Variants in CARMIL1 observed in about 807,000 individuals in gnomAD.
CARMIL1 encodes the protein F-actin-uncapping protein LRRC16A.
Under a neutral mutation model 177.1 loss-of-function variants are expected in CARMIL1, and 90 were observed. The ratio of observed to expected loss-of-function variants is 0.51; its 90% confidence interval spans 0.43 to 0.61. The LOEUF (loss-of-function observed/expected upper bound fraction) is 0.61, where lower values mean the gene tolerates loss of function less well. Among genes scored for constraint, CARMIL1 ranks in the 20% least tolerant of loss-of-function variants. The probability of loss-of-function intolerance (pLI) is 0.00; values close to 1 mark genes in which losing one functional copy is unlikely to be tolerated. For missense variants in CARMIL1, 1,380 were observed against 1,667.0 expected (o/e 0.83, Z 3.00); for synonymous variants, 577 against 606.2 (o/e 0.95, Z 0.71).
chr6:25,402,837 C>G (rs1277337866), intron 2 of CARMIL1, among the ~76,000 whole-genome samples: 2 of 152,042 alleles, frequency 1.3e-5, no homozygotes, highest in African/African-American at 4.8e-5. Context: ...CCCATTCTCC[C>G]TTTTCCCAAA....
intron 2 of CARMIL1, among the ~76,000 whole-genome samples, chr6:25,387,617 A>G (rs1338180179): frequency 6.6e-6 from 1 of 152,184 alleles, no homozygotes; most frequent in Non-Finnish European, 1.5e-5. Context: ...TAGAATTCCT[A>G]CTTGGGGGCA....
rs943918777 is a variant in CARMIL1, at chr6:25,437,757, G to C, written c.371+2153G>C. On this transcript the variant is annotated intron_variant, in intron 5 of 36. Transcript: ENST00000329474. ...TCTCACAAGTTAAAAGCTGAGCCGT[G>C]CTCATCTCTTGGTCCTTACTGTCAT... Among the ~76,000 whole-genome samples, 3 of 152,126 alleles carry C rather than the reference G, an allele frequency of 2.0e-5. No homozygotes were observed. In the East Asian group the frequency reaches 5.8e-4, roughly 29 times the overall value.
At chr6:25,542,236 C>T (rs1022100968) in intron 26 of CARMIL1, among the ~76,000 whole-genome samples, 1 of 152,146 alleles carries the variant, frequency 6.6e-6, no homozygotes, top group Non-Finnish European at 1.5e-5. Flanking sequence ...CTTTGGTGTT[C>T]GTTTCCTTCT....
At chr6:25,583,562 A>G (rs181568424) in intron 31 of CARMIL1, among the ~76,000 whole-genome samples, 111 of 152,226 alleles carry the variant, frequency 7.3e-4, no homozygotes, top group African/African-American at 2.6e-3. Context: ...ACATAGATGG[A>G]TGAAGGTCAC....
chr6:25,450,244 C>T, intron 6 of CARMIL1, 95 bp from the exon 7 acceptor site: 1 of 876,606 alleles, frequency 1.1e-6, no homozygotes, highest in Non-Finnish European at 1.9e-6. Flanking sequence ...AAAGGATAAT[C>T]AGCATTGTCA....
intron 13 of CARMIL1, among the ~76,000 whole-genome samples, chr6:25,491,309 TC>T (rs1803210110): frequency 6.6e-6 from 1 of 152,204 alleles, no homozygotes; most frequent in African/African-American, 2.4e-5. Flanking sequence ...CCTGAGACCA[TC>T]CTGTGGTTCA....
chr6:25,347,727 T>TG (rs1787670876), intron 2 of CARMIL1, among the ~76,000 whole-genome samples: 1 of 152,222 alleles, frequency 6.6e-6, no homozygotes. Flanking sequence ...AGTAAATGGA[T>TG]TAAAACTGAG....
rs1001332439 is a variant in CARMIL1, at chr6:25,612,967, A to G, written c.3979+2786A>G. On this transcript the variant is annotated intron_variant, in intron 36 of 36. Coordinates refer to ENST00000329474, the MANE Select transcript of CARMIL1 (RefSeq NM_017640.6). Reference sequence around the variant, plus strand: ...ACAAAAACAAACTGTAATTGAGTGAATTCTATCGTGGGACTGGGTCAGGGA... The same window carrying G: ...ACAAAAACAAACTGTAATTGAGTGAGTTCTATCGTGGGACTGGGTCAGGGA... 4 of 876,484 alleles carry G rather than the reference A, an allele frequency of 4.6e-6. No individual in the cohort carries two copies. The African/African-American group carries it at 7.3e-5, about 16-fold the overall frequency. 54.3% of individuals were successfully genotyped at this position (876,484 alleles called of 1,614,324 possible). A position where few individuals can be genotyped will look rare whatever the true frequency, so the allele number is the denominator to read the frequency against.
chr6:25,339,029 CATG>C (rs927303045), intron 2 of CARMIL1, among the ~76,000 whole-genome samples: 4 of 102,928 alleles, frequency 3.9e-5, no homozygotes, highest in African/African-American at 4.3e-5. Context: ...ATTTCCTTTT[CATG>C]ATTTTTTTTC....
intron 23 of CARMIL1, among the ~76,000 whole-genome samples, chr6:25,525,014 A>G (rs529957382): frequency 1.3e-3 from 196 of 152,248 alleles, no homozygotes; most frequent in African/African-American, 4.4e-3. Flanking sequence ...CTTGCTACTA[A>G]TGGGAATACC....
chr6:25,482,127 C>A, intron 11 of CARMIL1, 130 bp from the exon 12 acceptor site: 1 of 610,062 alleles, frequency 1.6e-6, no homozygotes, highest in Non-Finnish European at 2.9e-6. Flanking sequence ...GTTTAGAAAA[C>A]AAAGTCTGAT....
chr6:25,437,500 C>T (rs1797336313), intron 5 of CARMIL1, among the ~76,000 whole-genome samples: 1 of 152,076 alleles, frequency 6.6e-6, no homozygotes, highest in African/African-American at 2.4e-5. Flanking sequence ...TATTAATCAC[C>T]TCTGTTTCTA....
chr6:25,354,327 T>A (rs1016187886), intron 2 of CARMIL1, among the ~76,000 whole-genome samples: 5 of 137,064 alleles, frequency 3.6e-5, no homozygotes, highest in African/African-American at 1.1e-4. Flanking sequence ...CTTGACTAAT[T>A]AAATTTTTTT....
chr6:25,459,210 TTTTC>T (rs5875042), intron 8 of CARMIL1, among the ~76,000 whole-genome samples: 6,998 of 80,096 alleles, frequency 0.087, 463 homozygotes, highest in Non-Finnish European at 0.11. Context: ...GATCCCAACT[TTTTC>T]TTTCTTTCTT....
At chr6:25,452,981 C>A (rs1799134980) in intron 8 of CARMIL1, among the ~76,000 whole-genome samples, 1 of 152,150 alleles carries the variant, frequency 6.6e-6, no homozygotes, top group African/African-American at 2.4e-5. Context: ...TTTGGTCTAT[C>A]TTCTCCTTTG....
chr6:25,441,320 C>CATATATATATATATATAT (rs199573016), intron 5 of CARMIL1, among the ~76,000 whole-genome samples: 26 of 99,662 alleles, frequency 2.6e-4, no homozygotes, highest in South Asian at 7.4e-4. Context: ...AACAAACAAA[C>CATATATATATATATATAT]ATATATATAT....
intron 24 of CARMIL1, among the ~76,000 whole-genome samples, chr6:25,536,028 G>GGCA (rs1173974655): frequency 2.0e-5 from 3 of 151,988 alleles, no homozygotes; most frequent in Non-Finnish European, 4.4e-5. Flanking sequence ...AATGCTTAAG[G>GGCA]GCATACATTT....
chr6:25,565,755 G>A (rs1396192444), intron 29 of CARMIL1, among the ~76,000 whole-genome samples: 1 of 152,162 alleles, frequency 6.6e-6, no homozygotes, highest in Non-Finnish European at 1.5e-5. Context: ...TGAGGCAGGA[G>A]AATTGCTTGA....
At chr6:25,474,421 T>G (rs1275484865) in intron 11 of CARMIL1, among the ~76,000 whole-genome samples, 1 of 152,056 alleles carries the variant, frequency 6.6e-6, no homozygotes, top group Admixed American at 6.6e-5. Context: ...AGCTGAGTAT[T>G]AATTATTAAA....
Sources: allele counts gnomAD v4.1 joint callset (sites outside exome capture counted in the v4.1 genomes callset), GRCh38; gene constraint gnomAD v4.1.1; transcripts MANE v1.5; gene names NCBI Gene and HGNC (gene_info 2026-07-23, HGNC 2026-07-21).